FSTL5: variants seen among roughly 807,000 people sequenced by gnomAD.
FSTL5 encodes the protein follistatin-related protein 5.
Under a neutral mutation model 89.1 loss-of-function variants are expected in FSTL5, and 62 were observed. The observed-to-expected ratio is 0.70, with a 90% CI of 0.57 to 0.86. The LOEUF (loss-of-function observed/expected upper bound fraction) is 0.86, where lower values mean the gene tolerates loss of function less well. Among genes scored for constraint, FSTL5 ranks in the 40% least tolerant of loss-of-function variants. The pLI is 0.00. For synonymous variants in FSTL5, 383 were observed against 346.2 expected (o/e 1.11, Z -1.18); for missense variants, 1,057 against 1,001.6 (o/e 1.06, Z -0.75).
chr4:161,820,824 A>C (rs183782223), intron 4 of FSTL5, among the ~76,000 whole-genome samples: 1 of 152,246 alleles, frequency 6.6e-6, no homozygotes, highest in Admixed American at 6.5e-5. Flanking sequence ...TATGAGCATT[A>C]AAAAGATGTC....
rs1345043694 is a variant in FSTL5, at chr4:161,597,565, A to G, written c.895-9990T>C. On this transcript the variant is annotated intron_variant, in intron 7 of 15. Coordinates refer to ENST00000306100, the MANE Select transcript of FSTL5 (RefSeq NM_020116.5). ...AATGGGTGCAGCAGACCAATATGGC[A>G]CATGTATACATATGTGACAAACCTG... Among the ~76,000 whole-genome samples the G allele has an allele frequency of 3.3e-5, 5 of 151,976 alleles. No individual in the cohort carries two copies. In the East Asian group the frequency reaches 9.7e-4, roughly 29 times the overall value.
chr4:161,948,485 C>CTTTTTTTTT (rs35577056), intron 3 of FSTL5, among the ~76,000 whole-genome samples: 7 of 114,114 alleles, frequency 6.1e-5, no homozygotes, highest in Non-Finnish European at 1.0e-4. Flanking sequence ...TCTTTTCTTT[C>CTTTTTTTTT]TTTTTTTTTT....
intron 2 of FSTL5, among the ~76,000 whole-genome samples, chr4:162,060,620 T>C (rs1338778574): frequency 1.3e-5 from 2 of 152,080 alleles, no homozygotes; most frequent in Non-Finnish European, 2.9e-5. Context: ...TCTTACTAGA[T>C]CAATACTAGA....
chr4:162,138,153 A>G (rs752902973), intron 1 of FSTL5, among the ~76,000 whole-genome samples: 12 of 152,294 alleles, frequency 7.9e-5, no homozygotes, highest in African/African-American at 2.2e-4. Context: ...TATTACTTAT[A>G]TTTATATCTA....
At chr4:161,453,885 T>C (rs963631726) in intron 15 of FSTL5, among the ~76,000 whole-genome samples, 2 of 152,166 alleles carry the variant, frequency 1.3e-5, no homozygotes, top group Non-Finnish European at 2.9e-5. Context: ...AGAGCTACCA[T>C]GCCCAGCCTG....
At chr4:161,712,776 C>CCT (rs1228614996) in intron 6 of FSTL5, among the ~76,000 whole-genome samples, 1 of 149,518 alleles carries the variant, frequency 6.7e-6, no homozygotes, top group Non-Finnish European at 1.5e-5. Flanking sequence ...TGACCCCTCA[C>CCT]CTCTCTCTCT....
At chr4:161,950,958 C>G (rs990687244) in intron 3 of FSTL5, among the ~76,000 whole-genome samples, 3 of 151,908 alleles carry the variant, frequency 2.0e-5, no homozygotes, top group Admixed American at 6.6e-5. Context: ...TGTCCCCACC[C>G]AAATCTCATC....
At chr4:161,957,748 C>G (rs1169575215) in intron 3 of FSTL5, among the ~76,000 whole-genome samples, 4 of 151,960 alleles carry the variant, frequency 2.6e-5, no homozygotes, top group Non-Finnish European at 5.9e-5. Flanking sequence ...ATTGACATAC[C>G]TAACTACACA....
At chr4:161,778,750 G>T (rs1712672216) in intron 4 of FSTL5, among the ~76,000 whole-genome samples, 1 of 152,170 alleles carries the variant, frequency 6.6e-6, no homozygotes, top group Non-Finnish European at 1.5e-5. Context: ...TGACAAATGA[G>T]AGAAGTAATC....
intron 4 of FSTL5, among the ~76,000 whole-genome samples, chr4:161,876,803 A>G (rs1039390783): frequency 6.6e-6 from 1 of 152,058 alleles, no homozygotes; most frequent in Non-Finnish European, 1.5e-5. Context: ...TAGCTTCATT[A>G]TTTCCTATTA....
At chr4:162,038,667 T>C (rs1165381601) in intron 2 of FSTL5, among the ~76,000 whole-genome samples, 1 of 151,876 alleles carries the variant, frequency 6.6e-6, no homozygotes, top group Non-Finnish European at 1.5e-5. Context: ...GTATCTGGAT[T>C]TATGACATAA....
At chr4:161,840,673 T>C (rs1159795046) in intron 4 of FSTL5, among the ~76,000 whole-genome samples, 4 of 152,186 alleles carry the variant, frequency 2.6e-5, no homozygotes, top group African/African-American at 9.6e-5. Flanking sequence ...GCCTAATCTG[T>C]GATATCTGAT....
At chr4:161,813,387 A>T (rs1303461648) in intron 4 of FSTL5, among the ~76,000 whole-genome samples, 1 of 151,996 alleles carries the variant, frequency 6.6e-6, no homozygotes, top group Non-Finnish European at 1.5e-5. Flanking sequence ...CAACATACTA[A>T]CCTGGTAATA....
chr4:161,868,397 C>A (rs1471213126), intron 4 of FSTL5, among the ~76,000 whole-genome samples: 1 of 152,140 alleles, frequency 6.6e-6, no homozygotes, highest in African/African-American at 2.4e-5. Context: ...TTGTAGATCT[C>A]ATTTTCTGAT....
chr4:161,605,445 T>C (rs1734405822), intron 7 of FSTL5, among the ~76,000 whole-genome samples: 1 of 152,172 alleles, frequency 6.6e-6, no homozygotes, highest in African/African-American at 2.4e-5. Flanking sequence ...TTGAAGAGTA[T>C]ATCTATTGTG....
At chr4:161,774,864 C>T (rs1034727414) in intron 5 of FSTL5, among the ~76,000 whole-genome samples, 5 of 151,724 alleles carry the variant, frequency 3.3e-5, no homozygotes, top group African/African-American at 7.3e-5. Context: ...AAATATCTTC[C>T]AATTTTACTC....
intron 6 of FSTL5, among the ~76,000 whole-genome samples, chr4:161,728,056 T>TG (rs1030434526): frequency 2.0e-5 from 3 of 152,040 alleles, no homozygotes; most frequent in Admixed American, 1.3e-4. Flanking sequence ...GAAAATGTCA[T>TG]GGGTAAGAAA....
chr4:161,826,443 ACTTT>A (rs1192135920), intron 4 of FSTL5, among the ~76,000 whole-genome samples: 12 of 151,962 alleles, frequency 7.9e-5, no homozygotes, highest in Admixed American at 6.6e-4. Context: ...GTTGTTGTTG[ACTTT>A]CTGTCTTGAT....
intron 4 of FSTL5, among the ~76,000 whole-genome samples, chr4:161,856,265 A>G (rs907801016): frequency 6.6e-6 from 1 of 152,130 alleles, no homozygotes; most frequent in African/African-American, 2.4e-5. Context: ...AAGAAACAGC[A>G]TGAGAAAAGG....
Sources: gnomAD v4.1 joint callset for allele counts (sites outside exome capture counted in the v4.1 genomes callset) on GRCh38, gnomAD v4.1.1 for gene constraint, MANE v1.5 for transcripts, NCBI Gene and HGNC (gene_info 2026-07-23, HGNC 2026-07-21) for gene names.